The following ARFGAP1 variants were observed in gnomAD, a reference collection of about 807,000 sequenced individuals.
The protein encoded by ARFGAP1 is ADP-ribosylation factor GTPase-activating protein 1.
Under a neutral mutation model 54.0 loss-of-function variants are expected in ARFGAP1, and 26 were observed. The observed-to-expected ratio is 0.48, with a 90% CI of 0.35 to 0.67. ARFGAP1 has a LOEUF of 0.67. ARFGAP1 is among the 30% of genes least tolerant of loss of function. The probability of loss-of-function intolerance (pLI) is 0.00; values close to 1 mark genes in which losing one functional copy is unlikely to be tolerated. For missense variants in ARFGAP1, 525 were observed against 535.8 expected (o/e 0.98, Z 0.20); for synonymous variants, 248 against 211.9 (o/e 1.17, Z -1.48).
chr20:63,273,633 AC>A (rs1330177801), intron 1 of ARFGAP1: 2 of 152,058 alleles, frequency 1.3e-5, no homozygotes, highest in Non-Finnish European at 2.9e-5. Context: ...TTTCCTTTTT[AC>A]ACACTCTCTC....
rs1467933783 is a variant in ARFGAP1, at chr20:63,276,533, T to C, written c.224T>C (p.Met75Thr). Residue 75 changes from methionine to threonine, a missense_variant, in exon 4 of 13, where the codon ATG becomes ACG. Met to Thr is a moderately conservative substitution (Grantham distance 81). This residue lies in a region of ARFGAP1 where 466 missense variants were observed against 453.6 expected (regional missense o/e 1.03). Coordinates refer to ENST00000370283, the MANE Select transcript of ARFGAP1 (RefSeq NM_018209.4). This position sits in a 1 kb window ranked among gnomAD's most constrained non-coding sequence, Gnocchi z 5.2. Reference sequence around the variant, plus strand: ...TGGAAGGACATTGAGCTTGAGAAGATGAAAGCTGGTGGGAATGCTAAGTTC... The same window carrying C: ...TGGAAGGACATTGAGCTTGAGAAGACGAAAGCTGGTGGGAATGCTAAGTTC... The part of the protein sequence containing the change: ...DKWKDIELEK[M>T]KAGGNAKFRE... The C allele has an allele frequency of 1.9e-6, 3 of 1,614,046 alleles. No homozygotes were observed. In the Admixed American group the frequency reaches 5.0e-5, roughly 27 times the overall value.
chr20:63,286,040 T>G, intron 11 of ARFGAP1: 1 of 1,548,436 alleles, frequency 6.5e-7, no homozygotes, highest in Non-Finnish European at 8.7e-7. Flanking sequence ...GGGGCGTGCA[T>G]TTTGTCCTGT....
chr20:63,287,674 G>A lies in ARFGAP1; in HGVS notation c.1022G>A (p.Arg341His), dbSNP rs760685381. Residue 341 changes from arginine to histidine, a missense_variant, in exon 13 of 13, where the codon CGC becomes CAC. Physicochemically the swap from Arg to His is conservative, Grantham distance 29. This residue lies in a region of ARFGAP1 where 466 missense variants were observed against 453.6 expected (regional missense o/e 1.03). Transcript: ENST00000370283. ...GGAAGTGCTGAGCCCACCAAGACCC[G>A]CAAGTCCCCGAGCAGCGACAGCTGG... ...TFGSAEPTKTRKSPSSDSWTC... is the reference protein window; with the variant it reads ...TFGSAEPTKTHKSPSSDSWTC... 1.2e-5 allele frequency: 19 copies of A among 1,612,252 alleles called. No homozygotes were observed. Among genetic ancestry groups the A allele is most frequent in the African/African-American group, 9.3e-5 (7 of 74,900 alleles).
At chr20:63,274,230 G>C (rs1304389386) in intron 1 of ARFGAP1, 1 of 132,624 alleles carries the variant, frequency 7.5e-6, no homozygotes, top group Non-Finnish European at 1.5e-5. Flanking sequence ...TCCTAACTTT[G>C]AATAGGTTTA....
chr20:63,284,166 G>C, intron 9 of ARFGAP1: 1 of 1,308,074 alleles, frequency 7.6e-7, no homozygotes. Context: ...CAGGCCTGCT[G>C]CCGGGGAGGT....
In ARFGAP1 at chr20:63,288,059, TG is replaced by T; in HGVS notation, c.*191del. ...CTGCGCGTGGGGAGTCTTCGGTGCG[TG>T]GGGGCGGCTTGCTGTCCAGCCTGTG... On this transcript the variant is annotated 3_prime_UTR_variant, in exon 13 of 13. Coordinates refer to ENST00000370283, the MANE Select transcript of ARFGAP1 (RefSeq NM_018209.4). 3 of 703,064 alleles carry T rather than the reference TG, an allele frequency of 4.3e-6. No individual in the cohort carries two copies. The highest frequency in any genetic ancestry group is 2.7e-5 in the East Asian group (1 of 36,762). 43.6% of individuals were successfully genotyped at this position (703,064 alleles called of 1,614,324 possible). A position where few individuals can be genotyped will look rare whatever the true frequency, so the allele number is the denominator to read the frequency against.
intron 9 of ARFGAP1, 194 bp downstream of exon 9, chr20:63,283,045 A>G (rs2123281300): frequency 1.6e-6 from 1 of 620,734 alleles, no homozygotes; most frequent in Non-Finnish European, 2.8e-6. Flanking sequence ...TCATGGACCC[A>G]CTCAGGGCCT....
intron 11 of ARFGAP1, 99 bp from the exon 12 acceptor site, chr20:63,286,267 C>G (rs1347053978): frequency 1.3e-6 from 2 of 1,576,300 alleles, no homozygotes; most frequent in Non-Finnish European, 1.7e-6. Context: ...CCTGGGTCTT[C>G]TCAGCGGGAC....
In ARFGAP1 at chr20:63,276,765, A is replaced by G; in HGVS notation, c.342+114A>G. On this transcript the variant is annotated intron_variant, in intron 4 of 12. Transcript: ENST00000370283. This position sits in a 1 kb window ranked among gnomAD's most constrained non-coding sequence, Gnocchi z 5.2. ...AGTCGGTTCTTCTGCTGGTTCTGAC[A>G]CACCCACTGGGCCACACACAACTTG... is the stretch of plus-strand genomic sequence containing the variant. 1 of 1,252,908 alleles carries G rather than the reference A, an allele frequency of 8.0e-7. No homozygotes were observed. The highest frequency in any genetic ancestry group is 1.1e-6 in the Non-Finnish European group (1 of 924,000). 77.6% of individuals were successfully genotyped at this position (1,252,908 alleles called of 1,614,324 possible).
chr20:63,279,397 G>T, intron 7 of ARFGAP1: 1 of 346,892 alleles, frequency 2.9e-6, no homozygotes, highest in Non-Finnish European at 5.6e-6. Flanking sequence ...GTAGAGATGG[G>T]TTTTCACCAG....
intron 7 of ARFGAP1, 90 bp from the exon 8 acceptor site, chr20:63,281,201 C>CT: frequency 7.1e-7 from 1 of 1,410,828 alleles, no homozygotes. Context: ...CAGCCTCTGC[C>CT]TTGGTCCTCT....
At chr20:63,280,840 A>AT (rs894353302) in intron 7 of ARFGAP1, among the ~76,000 whole-genome samples, 4 of 152,148 alleles carry the variant, frequency 2.6e-5, no homozygotes, top group African/African-American at 7.2e-5. Flanking sequence ...TGAGACGTTT[A>AT]TTTTTTTAAA....
At chr20:63,273,837 C>T (rs1002868343) in intron 1 of ARFGAP1, among the ~76,000 whole-genome samples, 1 of 152,206 alleles carries the variant, frequency 6.6e-6, no homozygotes, top group Non-Finnish European at 1.5e-5. Flanking sequence ...TGGCGGCTCA[C>T]CTCCTCTCCG....
chr20:63,275,851 G>A (rs1016024570), intron 2 of ARFGAP1, among the ~76,000 whole-genome samples: 10 of 152,200 alleles, frequency 6.6e-5, no homozygotes, highest in African/African-American at 1.7e-4. Flanking sequence ...GCTGGCTGTC[G>A]GGGGTGGGGG....
At chr20:63,281,768 G>A (rs974958676) in intron 8 of ARFGAP1, among the ~76,000 whole-genome samples, 1 of 152,212 alleles carries the variant, frequency 6.6e-6, no homozygotes, top group African/African-American at 2.4e-5. Context: ...AATGAGGGGA[G>A]GATTTGGGGC....
Position 63,287,859 on chromosome 20 carries a change from A to G in ARFGAP1, c.1207A>G (p.Asn403Asp), listed in dbSNP as rs1300873324. The change falls in exon 13 of 13, where the codon AAC (asparagine) becomes GAC (aspartate). Residue 403 changes from asparagine (N) to aspartate (D), a missense_variant. Asn to Asp is a conservative substitution (Grantham distance 23, BLOSUM62 1). This residue lies in a region of ARFGAP1 where 466 missense variants were observed against 453.6 expected (regional missense o/e 1.03). Coordinates refer to ENST00000370283, the MANE Select transcript of ARFGAP1 (RefSeq NM_018209.4). ...CGTGCCCACTGATGATGGCTGGGAC[A>G]ACCAGAACTGGTAGGGCCCACTGCG... Reference protein sequence around the residue: ...PAVPTDDGWDNQNW With the variant: ...PAVPTDDGWDDQNW The G allele has an allele frequency of 6.5e-7, 1 of 1,550,262 alleles. No individual in the cohort carries two copies.
chr20:63,280,389 C>T (rs1015832212), intron 7 of ARFGAP1, among the ~76,000 whole-genome samples: 1 of 152,216 alleles, frequency 6.6e-6, no homozygotes, highest in African/African-American at 2.4e-5. Flanking sequence ...CATCCTCCCA[C>T]CTGGGCCTCT....
At chr20:63,278,307 T>A in intron 6 of ARFGAP1, 104 bp downstream of exon 6, 1 of 1,226,184 alleles carries the variant, frequency 8.2e-7, no homozygotes, top group Non-Finnish European at 1.2e-6. Flanking sequence ...GCAGTGGGTG[T>A]GGGACCCAGG....
chr20:63,277,979 G>T, intron 5 of ARFGAP1, 138 bp from the exon 6 acceptor site: 1 of 709,846 alleles, frequency 1.4e-6, no homozygotes, highest in Non-Finnish European at 2.4e-6. Context: ...AGAGCTGAAG[G>T]CCACCCTGGC....
Sources: gnomAD v4.1 joint callset for allele counts (sites outside exome capture counted in the v4.1 genomes callset) on GRCh38, gnomAD v4.1.1 for gene constraint, gnomAD v4.1.1 regional missense constraint, Gnocchi (gnomAD v3.1) non-coding constraint, MANE v1.5 for transcripts, NCBI Gene and HGNC (gene_info 2026-07-23, HGNC 2026-07-21) for gene names.